The following CNTN5 variants were observed in gnomAD, a reference collection of about 807,000 sequenced individuals.
The protein encoded by CNTN5 is contactin 5, also known as contactin-5.
A neutral mutation model predicts 129.1 loss-of-function variants in CNTN5; 77 were observed. That is an observed-to-expected ratio of 0.60 (90% CI 0.50 to 0.72). The LOEUF is 0.72. Ranked by LOEUF, CNTN5 falls within the 30% of genes least tolerant of loss-of-function variation. The pLI, the probability that CNTN5 is intolerant of heterozygous loss-of-function variation, is 0.00. For synonymous variants in CNTN5, 509 were observed against 465.6 expected, an observed-to-expected ratio of 1.09 and a Z score of -1.20; for missense variants, 1,478 against 1,328.8, an observed-to-expected ratio of 1.11 and a Z score of -1.75.
chr11:100,088,678 T>A (rs753563912), intron 13 of CNTN5, among the ~76,000 whole-genome samples: 1 of 151,994 alleles, frequency 6.6e-6, no homozygotes, highest in Non-Finnish European at 1.5e-5. Context: ...TCTCCCAAGA[T>A]TGAATCAGGA....
At chr11:99,934,801 G>T (rs558013102) in intron 7 of CNTN5, among the ~76,000 whole-genome samples, 1 of 150,992 alleles carries the variant, frequency 6.6e-6, no homozygotes, top group African/African-American at 2.4e-5. Flanking sequence ...CTTGAACATG[G>T]GAGGCAGAGA....
At chr11:100,224,629 T>C in intron 15 of CNTN5, 63 bp from the exon 16 acceptor site, 10 of 1,539,490 alleles carry the variant, frequency 6.5e-6, no homozygotes, top group Non-Finnish European at 8.8e-6. Context: ...AAGTTCCCCC[T>C]TAAGCCACCT....
chr11:99,407,217 T>C (rs913408514), intron 2 of CNTN5, among the ~76,000 whole-genome samples: 4 of 149,740 alleles, frequency 2.7e-5, no homozygotes, highest in African/African-American at 9.9e-5. Context: ...AACATAGTTA[T>C]CTGGGTATTA....
intron 2 of CNTN5, among the ~76,000 whole-genome samples, chr11:99,447,807 C>A (rs983081055): frequency 2.6e-5 from 4 of 152,104 alleles, no homozygotes; most frequent in Admixed American, 2.6e-4. Flanking sequence ...TTCCTGTAGT[C>A]CCAGCTACTT....
At position 99,314,341 on chromosome 11, in the gene CNTN5, A is replaced by G. The variant is rs186639745; in HGVS notation, c.-209-11005A>G. ...TATACAGATGCAGTTTGATAGAAAA[A>G]GTATGTTCTATTAGTCTACTACATG... is the stretch of plus-strand genomic sequence containing the variant. On this transcript the variant is annotated intron_variant, in intron 1 of 24. Coordinates refer to ENST00000524871, the MANE Select transcript of CNTN5 (RefSeq NM_014361.4). 1.3e-3 allele frequency among the ~76,000 whole-genome samples: 197 copies of G among 152,194 alleles called. 3 individuals carry two copies. Among genetic ancestry groups the G allele is most frequent in the African/African-American group, 3.8e-3 (158 of 41,560 alleles).
intron 1 of CNTN5, among the ~76,000 whole-genome samples, chr11:99,030,225 AT>A (rs1227341944): frequency 6.6e-6 from 1 of 152,164 alleles, no homozygotes; most frequent in African/African-American, 2.4e-5. Flanking sequence ...GAGACTGTAG[AT>A]TTAGGAATCA....
chr11:99,858,818 C>T (rs1948120952), intron 6 of CNTN5, among the ~76,000 whole-genome samples: 1 of 151,594 alleles, frequency 6.6e-6, no homozygotes, highest in South Asian at 2.1e-4. Flanking sequence ...AAATGTCAGA[C>T]ATTTAGATTA....
intron 2 of CNTN5, among the ~76,000 whole-genome samples, chr11:99,449,773 A>T (rs78126022): frequency 0.022 from 3,305 of 152,194 alleles, 127 homozygotes; most frequent in African/African-American, 0.074. Context: ...GCAAAATCTC[A>T]GAAGACAATT....
chr11:99,533,236 C>A (rs1174023569), intron 2 of CNTN5, among the ~76,000 whole-genome samples: 1 of 152,136 alleles, frequency 6.6e-6, no homozygotes, highest in African/African-American at 2.4e-5. Context: ...CAAAACCAAA[C>A]CAACAAACAA....
chr11:99,830,561 T>A (rs927383873), intron 4 of CNTN5, among the ~76,000 whole-genome samples: 1 of 152,164 alleles, frequency 6.6e-6, no homozygotes, highest in Non-Finnish European at 1.5e-5. Context: ...AAATGTGATC[T>A]TTTATGAAAA....
intron 21 of CNTN5, among the ~76,000 whole-genome samples, chr11:100,312,468 T>C (rs2138934206): frequency 6.6e-6 from 1 of 152,182 alleles, no homozygotes; most frequent in Admixed American, 6.6e-5. Flanking sequence ...CTATCAAAAA[T>C]GTCACTTAGT....
At chr11:100,212,119 T>C (rs1305214757) in intron 15 of CNTN5, among the ~76,000 whole-genome samples, 2 of 152,178 alleles carry the variant, frequency 1.3e-5, no homozygotes, top group Admixed American at 6.5e-5. Context: ...GATTTACATA[T>C]GAATGGGAAT....
intron 6 of CNTN5, among the ~76,000 whole-genome samples, chr11:99,914,081 T>C (rs1320376389): frequency 6.6e-6 from 1 of 151,990 alleles, no homozygotes; most frequent in East Asian, 1.9e-4. Flanking sequence ...ACGAAGAATT[T>C]GAAAAATTAG....
chr11:99,131,932 G>A (rs1219371710), intron 1 of CNTN5, among the ~76,000 whole-genome samples: 1 of 152,042 alleles, frequency 6.6e-6, no homozygotes, highest in Non-Finnish European at 1.5e-5. Flanking sequence ...TCAAAACCTA[G>A]CAGAGATGCA....
chr11:99,706,063 T>G (rs1010748978), intron 3 of CNTN5, among the ~76,000 whole-genome samples: 1 of 151,504 alleles, frequency 6.6e-6, no homozygotes, highest in Non-Finnish European at 1.5e-5. Context: ...TGAGCTCTGT[T>G]GGCTTATGGG....
At chr11:100,301,360 T>C (rs896070541) in intron 20 of CNTN5, among the ~76,000 whole-genome samples, 9 of 151,598 alleles carry the variant, frequency 5.9e-5, no homozygotes, top group African/African-American at 2.2e-4. Flanking sequence ...CCATGGGTTT[T>C]TTTACATTGT....
chr11:99,757,200 C>G (rs1184175691), intron 3 of CNTN5, among the ~76,000 whole-genome samples: 1 of 152,002 alleles, frequency 6.6e-6, no homozygotes, highest in African/African-American at 2.4e-5. Context: ...CTTGAAGATG[C>G]ATCACTCCAA....
chr11:99,696,339 A>C (rs1193081551), intron 3 of CNTN5, among the ~76,000 whole-genome samples: 2 of 152,112 alleles, frequency 1.3e-5, no homozygotes, highest in Non-Finnish European at 2.9e-5. Flanking sequence ...TATTTTGCCT[A>C]TACCCATTTT....
intron 1 of CNTN5, among the ~76,000 whole-genome samples, chr11:99,241,318 G>GTTTTTTTTTT (rs10648459): frequency 6.8e-5 from 6 of 88,048 alleles, no homozygotes; most frequent in South Asian, 4.6e-4. Context: ...TTGATTGTTG[G>GTTTTTTTTTT]TTTTTTTTTT....
Sources: gnomAD v4.1 joint callset for allele counts (sites outside exome capture counted in the v4.1 genomes callset) on GRCh38, gnomAD v4.1.1 for gene constraint, MANE v1.5 for transcripts, NCBI Gene and HGNC (gene_info 2026-07-23, HGNC 2026-07-21) for gene names.